The following B4GALNT3 variants were observed in gnomAD, a reference collection of about 807,000 sequenced individuals.
B4GALNT3 encodes beta-1,4-N-acetylgalactosaminyltransferase 3.
In B4GALNT3, 86 loss-of-function variants were observed where a neutral mutation model predicts 120.2. The ratio of observed to expected loss-of-function variants is 0.72; its 90% CI spans 0.60 to 0.86. The LOEUF is 0.86. B4GALNT3 is among the 40% of genes least tolerant of loss of function. B4GALNT3 has a pLI of 0.00. For synonymous variants in B4GALNT3, 518 were observed against 510.4 expected, an observed-to-expected ratio of 1.01 and a Z score of -0.20; for missense variants, 1,167 against 1,298.9, an observed-to-expected ratio of 0.90 and a Z score of 1.56.
rs1947188994 is a variant in B4GALNT3, at chr12:558,671, G to A, written c.2761+10G>A. The A allele has an allele frequency of 1.2e-6, 2 of 1,613,162 alleles. No homozygotes were observed. Among genetic ancestry groups the A allele is most frequent in the African/African-American group, 1.3e-5 (1 of 75,024 alleles). Reference sequence around the variant, plus strand: ...CCCCAGTGGCCTGAGGGTGAGCCCTGCTCAGACTGGGGAGGGAGGAAAGAC... The same window carrying A: ...CCCCAGTGGCCTGAGGGTGAGCCCTACTCAGACTGGGGAGGGAGGAAAGAC... On this transcript the variant is annotated intron_variant, in intron 18 of 19. Transcript: ENST00000266383.
At chr12:552,608 G>C (rs1013774165) in intron 13 of B4GALNT3, 80 bp downstream of exon 13, 2 of 1,362,724 alleles carry the variant, frequency 1.5e-6, no homozygotes, top group Admixed American at 2.0e-5. Context: ...TTCAGACCGT[G>C]CCAGCCCCGC....
intron 3 of B4GALNT3, among the ~76,000 whole-genome samples, chr12:538,514 G>T (rs1946883351): frequency 6.9e-6 from 1 of 144,868 alleles, no homozygotes; most frequent in African/African-American, 2.6e-5. Context: ...AGCCGAGATT[G>T]TGCCACTGCA....
intron 1 of B4GALNT3, among the ~76,000 whole-genome samples, chr12:506,381 C>T (rs1188739109): frequency 6.6e-6 from 1 of 152,198 alleles, no homozygotes; most frequent in Non-Finnish European, 1.5e-5. Flanking sequence ...CTTTCAATCA[C>T]AGGGACAATG....
intron 1 of B4GALNT3, among the ~76,000 whole-genome samples, chr12:465,771 G>A (rs112215392): frequency 6.0e-5 from 9 of 150,016 alleles, no homozygotes; most frequent in East Asian, 3.9e-4. Context: ...TCCCTGTCCT[G>A]GGAGTTGAGG....
intron 1 of B4GALNT3, among the ~76,000 whole-genome samples, chr12:461,612 G>GA (rs1444803427): frequency 1.3e-5 from 2 of 152,216 alleles, no homozygotes; most frequent in East Asian, 3.9e-4. Context: ...CCGCTTTGGG[G>GA]AAACTCGGAC....
In B4GALNT3 at chr12:556,826, C is replaced by G. The variant is rs1353832123; in HGVS notation, c.2340C>G (p.Phe780Leu). The G allele has an allele frequency of 6.2e-7, 1 of 1,610,114 alleles. No homozygotes were observed. The highest frequency in any genetic ancestry group is 8.5e-7 in the Non-Finnish European group (1 of 1,177,028). The change falls in exon 15 of 20, where the codon TTC becomes TTG. Residue 780 changes from phenylalanine (F) to leucine (L), a missense_variant. Phe to Leu is a conservative substitution (Grantham distance 22). This residue lies in a region of B4GALNT3 where 983 missense variants were observed against 1,102.5 expected (regional missense o/e 0.89). Transcript: ENST00000266383. Reference protein sequence around the residue: ...QEPKLCWPQGFSWSHRAVVHF... With the variant: ...QEPKLCWPQGLSWSHRAVVHF... ...CCAAGCTGTGCTGGCCTCAGGGTTTCTCCTGGAGTCACCGAGCCGTGGTCC... is the reference window on the plus strand; with the variant it reads ...CCAAGCTGTGCTGGCCTCAGGGTTTGTCCTGGAGTCACCGAGCCGTGGTCC...
intron 1 of B4GALNT3, among the ~76,000 whole-genome samples, chr12:528,571 A>G (rs1327951493): frequency 6.6e-6 from 1 of 152,224 alleles, no homozygotes; most frequent in Non-Finnish European, 1.5e-5. Context: ...TTAGCCACAC[A>G]GCCTGGCTCT....
At chr12:471,384 C>CAATAAATAAATAAATA (rs111851364) in intron 1 of B4GALNT3, among the ~76,000 whole-genome samples, 9 of 137,262 alleles carry the variant, frequency 6.6e-5, no homozygotes, top group East Asian at 2.2e-4. Context: ...GACTCTGTCT[C>CAATAAATAAATAAATA]AATAAATAAA....
rs766805030 is a variant in B4GALNT3, at chr12:544,961, C to G, written c.527C>G (p.Pro176Arg). Residue 176 changes from proline to arginine, a missense_variant, in exon 5 of 20, where the codon CCC (proline) becomes CGC (arginine). Coordinates refer to ENST00000266383, the MANE Select transcript of B4GALNT3 (RefSeq NM_173593.4). The stretch of plus-strand genomic sequence containing the variant: ...CTCCGCATCTTTGGCTACCTGCACC[C>G]CTTTACTGATGGTGAGGCCAGCCCC... ...YGLRIFGYLH[P>R]FTDGKIQFAI... is the part of the protein sequence containing the mutation. 3.7e-6 allele frequency: 6 copies of G among 1,613,854 alleles called. No homozygotes were observed. Among genetic ancestry groups the G allele is most frequent in the Non-Finnish European group, 5.1e-6 (6 of 1,179,968 alleles).
intron 1 of B4GALNT3, among the ~76,000 whole-genome samples, chr12:500,651 C>T (rs1008666739): frequency 1.3e-5 from 2 of 152,166 alleles, no homozygotes; most frequent in East Asian, 3.9e-4. Context: ...ATAGCTACTG[C>T]CCTGAATCCC....
intron 15 of B4GALNT3, among the ~76,000 whole-genome samples, chr12:557,174 G>A (rs868157528): frequency 5.3e-5 from 8 of 152,132 alleles, no homozygotes; most frequent in Admixed American, 1.3e-4. Flanking sequence ...GAAGTAAGAC[G>A]GGCAGCGTAC....
chr12:525,265 C>T (rs1946750486), intron 1 of B4GALNT3, among the ~76,000 whole-genome samples: 1 of 152,132 alleles, frequency 6.6e-6, no homozygotes, highest in Non-Finnish European at 1.5e-5. Flanking sequence ...AGCACCACCA[C>T]ACCCCACTAA....
intron 6 of B4GALNT3, among the ~76,000 whole-genome samples, chr12:545,717 AGCGAGGT>A (rs1946990564): frequency 1.1e-5 from 1 of 90,608 alleles, no homozygotes; most frequent in African/African-American, 4.7e-5. Flanking sequence ...AATGGGGAGG[AGCGAGGT>A]GTGGGGAGGA....
chr12:524,860 G>A (rs771751608), intron 1 of B4GALNT3, among the ~76,000 whole-genome samples: 15 of 152,116 alleles, frequency 9.9e-5, no homozygotes, highest in Non-Finnish European at 1.5e-4. Context: ...ACTGGCCTGC[G>A]CAAACGCACA....
chr12:461,143 G>C (rs1295006252), intron 1 of B4GALNT3, among the ~76,000 whole-genome samples: 1 of 151,972 alleles, frequency 6.6e-6, no homozygotes, highest in South Asian at 2.1e-4. Context: ...CTCCGTCCTC[G>C]GCTCTTTGAA....
intron 1 of B4GALNT3, 113 bp from the exon 2 acceptor site, chr12:535,053 T>A: frequency 8.6e-6 from 7 of 812,946 alleles, no homozygotes; most frequent in Middle Eastern, 2.4e-4. Flanking sequence ...ACCCACCCTC[T>A]GAAGAGAGGT....
chr12:559,220 C>T (rs1309398969), intron 18 of B4GALNT3, 75 bp from the exon 19 acceptor site: 3 of 1,589,166 alleles, frequency 1.9e-6, no homozygotes, highest in Admixed American at 3.4e-5. Flanking sequence ...CCTCTAGGCA[C>T]ACAGCCTGGA....
intron 1 of B4GALNT3, among the ~76,000 whole-genome samples, chr12:506,107 A>AT (rs11302946): frequency 5.3e-5 from 8 of 150,504 alleles, no homozygotes; most frequent in African/African-American, 1.5e-4. Flanking sequence ...TGCAGTTCAG[A>AT]TTTTTTTTTT....
intron 3 of B4GALNT3, 32 bp from the exon 4 acceptor site, chr12:544,307 G>A (rs754127496): frequency 1.0e-5 from 16 of 1,605,550 alleles, no homozygotes; most frequent in African/African-American, 1.3e-5. Context: ...GGGTGCTCAC[G>A]CTCACTCACC....
Sources: gnomAD v4.1 joint callset for allele counts (sites outside exome capture counted in the v4.1 genomes callset) on GRCh38, gnomAD v4.1.1 for gene constraint, gnomAD v4.1.1 regional missense constraint, MANE v1.5 for transcripts, NCBI Gene and HGNC (gene_info 2026-07-23, HGNC 2026-07-21) for gene names.